SLC41A2: variants seen among roughly 807,000 people sequenced by gnomAD.
SLC41A2 encodes SLC41A1-like 1.
SLC41A2 carries 32 observed loss-of-function variants against 58.3 expected under a neutral mutation model. The ratio of observed to expected loss-of-function variants is 0.55; its 90% confidence interval spans 0.41 to 0.74. The LOEUF is 0.74. Ranked by LOEUF, SLC41A2 falls within the 30% of genes least tolerant of loss-of-function variation. The probability of loss-of-function intolerance (pLI) is 0.00; values close to 1 mark genes in which losing one functional copy is unlikely to be tolerated. For missense variants in SLC41A2, 514 were observed against 680.6 expected (o/e 0.76, Z 2.72); for synonymous variants, 190 against 235.0 (o/e 0.81, Z 1.75).
intron 8 of SLC41A2, among the ~76,000 whole-genome samples, chr12:104,859,006 A>G (rs745767243): frequency 1.3e-5 from 2 of 152,246 alleles, no homozygotes; most frequent in Non-Finnish European, 2.9e-5. Flanking sequence ...TAGCTCTAAC[A>G]GTCATTATGA....
At chr12:104,909,621 T>A (rs1171423186) in intron 3 of SLC41A2, 34 bp downstream of exon 3, 9 of 1,350,114 alleles carry the variant, frequency 6.7e-6, no homozygotes, top group Non-Finnish European at 9.5e-6. Context: ...ACAGGATAGG[T>A]AATACACATA....
chr12:104,924,521 G>A (rs2046750840), intron 2 of SLC41A2, among the ~76,000 whole-genome samples: 2 of 152,018 alleles, frequency 1.3e-5, no homozygotes, highest in South Asian at 4.2e-4. Context: ...GAGGCAGGCG[G>A]ATCACCTGAG....
At chr12:104,879,233 C>T (rs1346848109) in intron 6 of SLC41A2, among the ~76,000 whole-genome samples, 3 of 152,132 alleles carry the variant, frequency 2.0e-5, no homozygotes, top group African/African-American at 7.2e-5. Flanking sequence ...GGGTAGATTG[C>T]AAAAATTTTC....
intron 1 of SLC41A2, among the ~76,000 whole-genome samples, chr12:104,932,119 G>A (rs181577392): frequency 5.3e-5 from 8 of 152,274 alleles, no homozygotes; most frequent in Admixed American, 4.6e-4. Flanking sequence ...TCTGGTTAAT[G>A]AATACTTATC....
At position 104,843,287 on chromosome 12, in the gene SLC41A2, A is replaced by G. The variant is rs1304965272; in HGVS notation, c.1536+1185T>C. 3.9e-5 allele frequency among the ~76,000 whole-genome samples: 6 copies of G among 151,910 alleles called. No homozygotes were observed. In the East Asian group the frequency reaches 9.6e-4, roughly 24 times the overall value. Reference sequence around the variant, plus strand: ...TTATTCCTCCTGGGATTTAAAAGCCATCCCTCCATCTAGTAGCATGAAGGT... The same window carrying G: ...TTATTCCTCCTGGGATTTAAAAGCCGTCCCTCCATCTAGTAGCATGAAGGT... On this transcript the variant is annotated intron_variant, in intron 10 of 10. Transcript: ENST00000258538.
At chr12:104,889,292 G>A (rs1242291793) in intron 4 of SLC41A2, 115 bp from the exon 5 acceptor site, 1 of 1,059,816 alleles carries the variant, frequency 9.4e-7, no homozygotes, top group African/African-American at 1.7e-5. Flanking sequence ...TGTAATAATT[G>A]AGCTACATTA....
chr12:104,835,423 A>T (rs1305170884), intron 10 of SLC41A2, among the ~76,000 whole-genome samples: 1 of 152,130 alleles, frequency 6.6e-6, no homozygotes, highest in African/African-American at 2.4e-5. Flanking sequence ...CTTATTTTTC[A>T]TCACTCCTTT....
Position 104,928,515 on chromosome 12 carries a change from T to C in SLC41A2, c.13A>G (p.Lys5Glu), listed in dbSNP as rs1393602187. 1 of 1,507,180 alleles carries C rather than the reference T, an allele frequency of 6.6e-7. No homozygotes were observed. Among genetic ancestry groups the C allele is most frequent in the South Asian group, 1.3e-5 (1 of 76,136 alleles). 93.4% of individuals were successfully genotyped at this position (1,507,180 alleles called of 1,614,324 possible). MTNS[K>E]GRSITDKTSG... ...GTTTTATCGGTAATAGATCTTCCTT[T>C]ACTATTAGTCATATTGTCATCACAA... The change falls in exon 2 of 11, where the codon AAA (lysine) becomes GAA (glutamate). Residue 5 changes from lysine (K) to glutamate (E), a missense_variant. Transcript: ENST00000258538.
intron 1 of SLC41A2, among the ~76,000 whole-genome samples, chr12:104,930,625 G>A (rs1232580660): frequency 6.6e-6 from 1 of 152,202 alleles, no homozygotes; most frequent in Non-Finnish European, 1.5e-5. Flanking sequence ...GAATTACCAG[G>A]ATGATCAAAA....
intron 6 of SLC41A2, among the ~76,000 whole-genome samples, chr12:104,884,462 G>T (rs2044554318): frequency 6.6e-6 from 1 of 152,032 alleles, no homozygotes; most frequent in African/African-American, 2.4e-5. Flanking sequence ...TTCATATTTG[G>T]CCATCTTGGA....
At chr12:104,901,473 GA>G (rs2045557340) in intron 3 of SLC41A2, among the ~76,000 whole-genome samples, 1 of 152,122 alleles carries the variant, frequency 6.6e-6, no homozygotes, top group African/African-American at 2.4e-5. Context: ...ACTCAAGTAA[GA>G]TGGCAAGATA....
At chr12:104,899,130 T>C (rs2045439748) in intron 3 of SLC41A2, among the ~76,000 whole-genome samples, 1 of 152,204 alleles carries the variant, frequency 6.6e-6, no homozygotes, top group Non-Finnish European at 1.5e-5. Context: ...TTTTTTTTTA[T>C]AGTTACTAGT....
At chr12:104,839,500 C>CTT (rs147244934) in intron 10 of SLC41A2, among the ~76,000 whole-genome samples, 2 of 145,652 alleles carry the variant, frequency 1.4e-5, no homozygotes, top group African/African-American at 2.5e-5. Context: ...TTCAGTTTTT[C>CTT]TTTTTTTTTT....
chr12:104,927,912 T>C, intron 2 of SLC41A2, 61 bp downstream of exon 2: 2 of 1,459,120 alleles, frequency 1.4e-6, no homozygotes, highest in Non-Finnish European at 1.8e-6. Context: ...ACATAAAGCA[T>C]TTTAAACAGA....
intron 4 of SLC41A2, among the ~76,000 whole-genome samples, chr12:104,892,628 A>T (rs1219759177): frequency 6.6e-6 from 1 of 152,224 alleles, no homozygotes; most frequent in Non-Finnish European, 1.5e-5. Context: ...AGCTATAGTA[A>T]CCAAAAGACA....
chr12:104,922,080 A>C (rs965439830), intron 2 of SLC41A2, among the ~76,000 whole-genome samples: 1 of 152,218 alleles, frequency 6.6e-6, no homozygotes, highest in African/African-American at 2.4e-5. Flanking sequence ...GAAAAATCAC[A>C]AACGAATCAC....
intron 8 of SLC41A2, among the ~76,000 whole-genome samples, chr12:104,854,116 C>A (rs2042928772): frequency 6.6e-6 from 1 of 151,336 alleles, no homozygotes; most frequent in South Asian, 2.1e-4. Flanking sequence ...GAAAAAATAT[C>A]ACTCATTTTA....
At chr12:104,825,602 G>A (rs1358512465) in intron 10 of SLC41A2, among the ~76,000 whole-genome samples, 2 of 152,188 alleles carry the variant, frequency 1.3e-5, no homozygotes, top group African/African-American at 2.4e-5. Context: ...AGTTAAGGGA[G>A]GAATGACCCC....
At chr12:104,836,716 G>C (rs969538883) in intron 10 of SLC41A2, among the ~76,000 whole-genome samples, 1 of 152,144 alleles carries the variant, frequency 6.6e-6, no homozygotes, top group African/African-American at 2.4e-5. Flanking sequence ...TCTAATAGAT[G>C]AATTTAAAAT....
Sources: gnomAD v4.1 joint callset for allele counts (sites outside exome capture counted in the v4.1 genomes callset) on GRCh38, gnomAD v4.1.1 for gene constraint, MANE v1.5 for transcripts, NCBI Gene and HGNC (gene_info 2026-07-23, HGNC 2026-07-21) for gene names.